Variants in TLK1 observed in about 807,000 individuals in gnomAD.
TLK1 encodes the protein tousled like kinase 1.
TLK1 carries 24 observed loss-of-function variants against 105.3 expected under a neutral mutation model. The ratio of observed to expected loss-of-function variants is 0.23; its 90% confidence interval spans 0.17 to 0.32. TLK1 has a LOEUF of 0.32. TLK1 is among the 10% of genes least tolerant of loss of function. The pLI, the probability that TLK1 is intolerant of heterozygous loss-of-function variation, is 1.00. For missense variants in TLK1, 558 were observed against 910.5 expected (o/e 0.61, Z 4.98); for synonymous variants, 321 against 310.4 (o/e 1.03, Z -0.36).
chr2:171,175,248 C>T (rs1254566064), intron 1 of TLK1, among the ~76,000 whole-genome samples: 3 of 151,928 alleles, frequency 2.0e-5, no homozygotes, highest in African/African-American at 7.3e-5. Context: ...GTACACTCAG[C>T]CCTCCGTATT....
At chr2:171,083,401 T>C (rs1335925385) in intron 2 of TLK1, among the ~76,000 whole-genome samples, 1 of 152,224 alleles carries the variant, frequency 6.6e-6, no homozygotes. Context: ...GCTCAAGAAT[T>C]TCTCCATTTC....
At chr2:171,019,968 G>C (rs1262237604) in intron 12 of TLK1, among the ~76,000 whole-genome samples, 1 of 151,160 alleles carries the variant, frequency 6.6e-6, no homozygotes, top group Non-Finnish European at 1.5e-5. Context: ...TGAGGCACGA[G>C]AATCACTTGA....
chr2:171,167,971 T>C (rs1419951982), intron 1 of TLK1, among the ~76,000 whole-genome samples: 1 of 151,874 alleles, frequency 6.6e-6, no homozygotes, highest in Non-Finnish European at 1.5e-5. Context: ...TAAATTATAA[T>C]TTATAATTAT....
rs567189064 is a variant in TLK1, at chr2:171,228,643, T to C, written c.-6+2502A>G. On this transcript the variant is annotated intron_variant, in intron 1 of 20. Coordinates refer to the TLK1 transcript ENST00000521943. ...ACAGATGGGAGAGTTGAGGTTCAGA[T>C]TGATTAATTTTTCCCAAGTGATTCA... Among the ~76,000 whole-genome samples, 15 of 152,332 alleles carry C rather than the reference T, an allele frequency of 9.8e-5. No homozygotes were observed. The South Asian group carries it at 2.1e-3, about 21-fold the overall frequency.
intron 1 of TLK1, among the ~76,000 whole-genome samples, chr2:171,193,713 T>C: frequency 7.3e-6 from 1 of 136,674 alleles, no homozygotes; most frequent in Non-Finnish European, 1.6e-5. Context: ...TTTTTTTTTT[T>C]TTTTTTTTTT....
chr2:171,135,716 C>T (rs768433944), intron 1 of TLK1, among the ~76,000 whole-genome samples: 1 of 151,996 alleles, frequency 6.6e-6, no homozygotes, highest in Non-Finnish European at 1.5e-5. Flanking sequence ...GCAGGAGAAT[C>T]GCTTGAACCC....
intron 3 of TLK1, among the ~76,000 whole-genome samples, chr2:171,067,666 AGTTT>A (rs1688064823): frequency 6.6e-6 from 1 of 151,824 alleles, no homozygotes; most frequent in African/African-American, 2.4e-5. Context: ...AGAACGTACA[AGTTT>A]GTTACATAGG....
Position 171,176,828 on chromosome 2 carries a change from A to AT in TLK1, c.-6+54316dup, listed in dbSNP as rs538049781. ...ACTCTCTGCTTCACCTCATCGGCCT[A>AT]TTTTTTTTTTAATTTTTTTTTTTTA... On this transcript the variant is annotated intron_variant, in intron 1 of 20. Transcript: ENST00000521943. Among the ~76,000 whole-genome samples the AT allele has an allele frequency of 4.0e-3, 575 of 143,612 alleles. 6 individuals carry two copies. Among genetic ancestry groups the AT allele is most frequent in the African/African-American group, 0.013 (520 of 38,870 alleles). 94.2% of individuals were successfully genotyped at this position (143,612 alleles called of 152,430 possible). A position where few individuals can be genotyped will look rare whatever the true frequency, so the allele number is the denominator to read the frequency against.
intron 3 of TLK1, among the ~76,000 whole-genome samples, chr2:171,082,030 T>TACAC (rs3084370): frequency 0.3 from 44,396 of 146,528 alleles, 6,761 homozygotes; most frequent in African/African-American, 0.33. Context: ...ACGGGAAAAA[T>TACAC]ACACACACAC....
chr2:171,081,900 C>T (rs1400048200), intron 3 of TLK1, among the ~76,000 whole-genome samples: 2 of 152,120 alleles, frequency 1.3e-5, no homozygotes, highest in Non-Finnish European at 2.9e-5. Flanking sequence ...CTAAGAGTTT[C>T]TGAGTGCTAA....
intron 18 of TLK1, 37 bp downstream of exon 18, chr2:171,006,110 A>T: frequency 2.0e-6 from 3 of 1,504,696 alleles, no homozygotes; most frequent in Non-Finnish European, 2.7e-6. Flanking sequence ...ACTGGGCACC[A>T]ATCTAGACAT....
intron 1 of TLK1, among the ~76,000 whole-genome samples, chr2:171,151,934 G>A (rs541206199): frequency 6.6e-6 from 1 of 152,262 alleles, no homozygotes; most frequent in East Asian, 1.9e-4. Flanking sequence ...CAAATATACA[G>A]TATCAAAAAA....
chr2:171,076,496 T>C (rs566538697), intron 3 of TLK1, among the ~76,000 whole-genome samples: 2 of 152,120 alleles, frequency 1.3e-5, no homozygotes, highest in Non-Finnish European at 2.9e-5. Flanking sequence ...GTCTGTGATA[T>C]TCTGTTAGAG....
intron 1 of TLK1, among the ~76,000 whole-genome samples, chr2:171,130,694 C>T (rs920867292): frequency 3.9e-5 from 6 of 152,066 alleles, no homozygotes; most frequent in African/African-American, 1.4e-4. Context: ...AAATAAGGAA[C>T]AAAAATAAAT....
In TLK1 at chr2:171,010,625, CAAAAAAA is replaced by C. The variant is rs77995237; in HGVS notation, c.1416+741_1416+747del. Among the ~76,000 whole-genome samples the C allele has an allele frequency of 6.1e-3, 577 of 94,472 alleles. 3 individuals carry two copies. The highest frequency in any genetic ancestry group is 0.018 in the African/African-American group (522 of 28,418). 62.0% of individuals were successfully genotyped at this position (94,472 alleles called of 152,430 possible). A position where few individuals can be genotyped will look rare whatever the true frequency, so the allele number is the denominator to read the frequency against. Reference sequence around the variant, plus strand: ...AGGCTAAAAGATACAACATAAAGTACAAAAAAAAAAAAAAAGAAAGGCATAAAATAGT... The same window carrying C: ...AGGCTAAAAGATACAACATAAAGTACAAAAAAAAGAAAGGCATAAAATAGT... On this transcript the variant is annotated intron_variant, in intron 14 of 20. Transcript: ENST00000431350.
At chr2:171,069,971 G>A (rs1688177468) in intron 3 of TLK1, among the ~76,000 whole-genome samples, 1 of 152,152 alleles carries the variant, frequency 6.6e-6, no homozygotes, top group South Asian at 2.1e-4. Context: ...TTGTATACTA[G>A]GAAATGCTAG....
At chr2:171,137,197 G>A (rs1180586756) in intron 1 of TLK1, among the ~76,000 whole-genome samples, 1 of 151,918 alleles carries the variant, frequency 6.6e-6, no homozygotes, top group Non-Finnish European at 1.5e-5. Flanking sequence ...TGAGAGGACT[G>A]CTTGAGGCTT....
intron 1 of TLK1, among the ~76,000 whole-genome samples, chr2:171,187,445 A>G (rs1462975894): frequency 6.6e-6 from 1 of 152,244 alleles, no homozygotes; most frequent in Non-Finnish European, 1.5e-5. Flanking sequence ...ACTCAATACC[A>G]TTAAAAGTCT....
At chr2:171,056,446 A>G (rs1305423277) in intron 6 of TLK1, 25 bp downstream of exon 6, 2 of 1,602,496 alleles carry the variant, frequency 1.2e-6, no homozygotes, top group Admixed American at 3.3e-5. Flanking sequence ...AAGACTACAC[A>G]TGAAAAACTT....
Sources: allele counts gnomAD v4.1 joint callset (sites outside exome capture counted in the v4.1 genomes callset), GRCh38; gene constraint gnomAD v4.1.1; transcripts MANE v1.5; gene names NCBI Gene and HGNC (gene_info 2026-07-23, HGNC 2026-07-21).